The following SORCS2 variants were observed in gnomAD, a reference collection of about 807,000 sequenced individuals.
The protein encoded by SORCS2 is sortilin related VPS10 domain containing receptor 2.
A neutral mutation model predicts 141.6 loss-of-function variants in SORCS2; 100 were observed. The observed-to-expected ratio is 0.71, with a 90% CI of 0.60 to 0.83. SORCS2 has a LOEUF of 0.83. Ranked by LOEUF, SORCS2 falls within the 40% of genes least tolerant of loss-of-function variation. The probability of loss-of-function intolerance (pLI) is 0.00; values close to 1 mark genes in which losing one functional copy is unlikely to be tolerated. For missense variants in SORCS2, 1,646 were observed against 1,560.2 expected, an observed-to-expected ratio of 1.05 and a Z score of -0.93; for synonymous variants, 789 against 676.9, an observed-to-expected ratio of 1.17 and a Z score of -2.57.
At chr4:7,397,566 G>A (rs1339237749) in intron 2 of SORCS2, among the ~76,000 whole-genome samples, 1 of 152,170 alleles carries the variant, frequency 6.6e-6, no homozygotes, top group Non-Finnish European at 1.5e-5. Context: ...GTAGAGGACA[G>A]ATGTTCCCTG....
chr4:7,478,358 A>G (rs1338219309), intron 2 of SORCS2, among the ~76,000 whole-genome samples: 1 of 152,004 alleles, frequency 6.6e-6, no homozygotes, highest in Non-Finnish European at 1.5e-5. Context: ...CTTTGTTGAA[A>G]TGTGCCTTCC....
intron 3 of SORCS2, among the ~76,000 whole-genome samples, chr4:7,555,537 A>T (rs1714043171): frequency 6.6e-6 from 1 of 152,202 alleles, no homozygotes; most frequent in Admixed American, 6.5e-5. Flanking sequence ...AGAAGCCCTC[A>T]TTTCTTCATT....
chr4:7,691,275 G>C (rs748023162), intron 11 of SORCS2, among the ~76,000 whole-genome samples: 1 of 152,266 alleles, frequency 6.6e-6, no homozygotes, highest in Non-Finnish European at 1.5e-5. Context: ...GCCTGGCCCA[G>C]GGTGGGCCCT....
In SORCS2 at chr4:7,519,802, TCCCAGAGGGC is replaced by T. The variant is rs1206713259; in HGVS notation, c.549-11727_549-11718del. ...GCTCCTGCAGCTCCTTGGCCCGGCC[TCCCAGAGGGC>T]GCACATGGGGGCTTCTGCCGTGCTA... On this transcript the variant is annotated intron_variant, in intron 2 of 26. Transcript: ENST00000507866. Among the ~76,000 whole-genome samples the T allele has an allele frequency of 2.9e-4, 44 of 152,324 alleles. 1 individual carries two copies. The highest frequency in any genetic ancestry group is 5.1e-4 in the Non-Finnish European group (35 of 68,026).
At chr4:7,440,185 G>T (rs533404620) in intron 2 of SORCS2, among the ~76,000 whole-genome samples, 2 of 152,200 alleles carry the variant, frequency 1.3e-5, no homozygotes, top group African/African-American at 2.4e-5. Context: ...GACGAGCCTG[G>T]CCACAATGGA....
chr4:7,655,321 C>T (rs1006056191), intron 5 of SORCS2, among the ~76,000 whole-genome samples: 1 of 152,198 alleles, frequency 6.6e-6, no homozygotes, highest in Admixed American at 6.5e-5. Context: ...AACAGAAAAA[C>T]ACACGGAAAG....
intron 1 of SORCS2, among the ~76,000 whole-genome samples, chr4:7,214,356 C>T (rs1728207385): frequency 6.6e-6 from 1 of 152,100 alleles, no homozygotes; most frequent in South Asian, 2.1e-4. Context: ...AATTTCAGCT[C>T]CCCTTTTCCT....
At chr4:7,356,123 A>C (rs1721237119) in intron 1 of SORCS2, among the ~76,000 whole-genome samples, 1 of 152,144 alleles carries the variant, frequency 6.6e-6, no homozygotes, top group Admixed American at 6.5e-5. Context: ...GGTCTCAATG[A>C]TCATCTGTCA....
intron 1 of SORCS2, among the ~76,000 whole-genome samples, chr4:7,270,278 G>A (rs532686380): frequency 3.9e-5 from 6 of 152,380 alleles, no homozygotes; most frequent in South Asian, 2.1e-4. Context: ...CTGACAGCAC[G>A]CGTGTGGGTG....
chr4:7,514,326 C>A (rs1169519053), intron 2 of SORCS2, among the ~76,000 whole-genome samples: 1 of 152,122 alleles, frequency 6.6e-6, no homozygotes, highest in African/African-American at 2.4e-5. Flanking sequence ...AGGGAGCTGT[C>A]AGCAATTGGT....
intron 2 of SORCS2, among the ~76,000 whole-genome samples, chr4:7,442,606 C>A (rs547550351): frequency 1.9e-4 from 23 of 123,644 alleles, no homozygotes; most frequent in African/African-American, 7.2e-4. Context: ...ACCATCCACC[C>A]CCTCCCCCAG....
intron 2 of SORCS2, among the ~76,000 whole-genome samples, chr4:7,441,367 G>T (rs1009384490): frequency 6.6e-6 from 1 of 152,108 alleles, no homozygotes; most frequent in Non-Finnish European, 1.5e-5. Context: ...ACAGAGGCCT[G>T]CTTCTGCCTG....
At chr4:7,543,429 GTCCATCCA>G (rs1712855468) in intron 3 of SORCS2, among the ~76,000 whole-genome samples, 2 of 85,716 alleles carry the variant, frequency 2.3e-5, no homozygotes, top group East Asian at 8.8e-4. Context: ...CCATCCATCC[GTCCATCCA>G]TCCACTCATC....
chr4:7,414,220 CAGA>C (rs1273309368), intron 2 of SORCS2, among the ~76,000 whole-genome samples: 2 of 152,186 alleles, frequency 1.3e-5, no homozygotes, highest in Admixed American at 1.3e-4. Flanking sequence ...TGCCAACCAG[CAGA>C]AGAACAGAGG....
intron 3 of SORCS2, among the ~76,000 whole-genome samples, chr4:7,618,089 C>T (rs1718887770): frequency 6.6e-6 from 1 of 152,132 alleles, no homozygotes; most frequent in Non-Finnish European, 1.5e-5. Flanking sequence ...CATGACACCC[C>T]CTCGGAGGGT....
At chr4:7,726,550 G>A (rs1727231094) in intron 20 of SORCS2, among the ~76,000 whole-genome samples, 1 of 152,084 alleles carries the variant, frequency 6.6e-6, no homozygotes, top group South Asian at 2.1e-4. Flanking sequence ...CTCCAGCCTG[G>A]GCAACAGAAC....
chr4:7,473,014 C>A (rs1360911651), intron 2 of SORCS2, among the ~76,000 whole-genome samples: 1 of 152,072 alleles, frequency 6.6e-6, no homozygotes, highest in African/African-American at 2.4e-5. Context: ...AGCCCCTGGC[C>A]TGTGGGGTTT....
intron 12 of SORCS2, among the ~76,000 whole-genome samples, chr4:7,701,651 G>A (rs970040442): frequency 1.3e-5 from 2 of 152,168 alleles, no homozygotes; most frequent in African/African-American, 4.8e-5. Flanking sequence ...GGACACCAGG[G>A]CCAAGGGTGT....
chr4:7,575,704 C>T (rs1202925369), intron 3 of SORCS2, among the ~76,000 whole-genome samples: 1 of 152,230 alleles, frequency 6.6e-6, no homozygotes, highest in Non-Finnish European at 1.5e-5. Flanking sequence ...CTGGACTGGA[C>T]ACTTGCTCCT....
Sources: allele counts gnomAD v4.1 joint callset (sites outside exome capture counted in the v4.1 genomes callset), GRCh38; gene constraint gnomAD v4.1.1; transcripts MANE v1.5; gene names NCBI Gene and HGNC (gene_info 2026-07-23, HGNC 2026-07-21).